Variants in SHLD2 observed in about 807,000 individuals in gnomAD.
SHLD2 encodes the protein RINN1-REV7-interacting novel NHEJ regulator 2.
In SHLD2, 30 loss-of-function variants were observed where a neutral mutation model predicts 73.2. The observed-to-expected ratio is 0.41, with a 90% CI of 0.31 to 0.56. The LOEUF (loss-of-function observed/expected upper bound fraction) is 0.56. Ranked by LOEUF, SHLD2 falls within the 20% of genes least tolerant of loss-of-function variation. SHLD2 has a pLI of 0.28. For missense variants in SHLD2, 745 were observed against 1,055.9 expected (o/e 0.71, Z 4.08); for synonymous variants, 285 against 370.1 (o/e 0.77, Z 2.64).
At chr10:87,126,410 G>T (rs1372002007) in intron 2 of SHLD2, among the ~76,000 whole-genome samples, 3 of 152,056 alleles carry the variant, frequency 2.0e-5, no homozygotes, top group African/African-American at 7.2e-5. Flanking sequence ...CAAGATTATT[G>T]TCTGAATATT....
At chr10:87,094,529 C>A, upstream of SHLD2, 1 of 1,612,788 alleles carries the variant, frequency 6.2e-7, no homozygotes, top group Non-Finnish European at 8.5e-7. This position sits in a 1 kb window ranked among gnomAD's most constrained non-coding sequence, Gnocchi z 6.6. Context: ...TTGTCCTCCA[C>A]GATGCTGGCG....
chr10:87,175,089 C>G (rs1405031511), intron 6 of SHLD2, among the ~76,000 whole-genome samples: 9 of 143,646 alleles, frequency 6.3e-5, no homozygotes, highest in African/African-American at 2.1e-4. Flanking sequence ...TGCGCTCCAG[C>G]CTGGGCAACA....
chr10:87,118,195 G>T (rs1052492003), intron 2 of SHLD2, among the ~76,000 whole-genome samples: 2 of 152,146 alleles, frequency 1.3e-5, no homozygotes, highest in African/African-American at 4.8e-5. Context: ...GGGTTCTCAA[G>T]CCTATAACCA....
chr10:87,165,203 A>G (rs992815504), intron 4 of SHLD2, among the ~76,000 whole-genome samples: 73 of 144,034 alleles, frequency 5.1e-4, no homozygotes, highest in Non-Finnish European at 8.3e-4. Flanking sequence ...AAAAAAAAAA[A>G]TACAAAACAC....
chr10:87,117,881 A>G lies in SHLD2; in HGVS notation c.-6+20892A>G, dbSNP rs543678400. Among the ~76,000 whole-genome samples, 65 of 152,354 alleles carry G rather than the reference A, an allele frequency of 4.3e-4. 1 individual carries two copies. The highest frequency in any genetic ancestry group is 1.3e-3 in the African/African-American group (55 of 41,588). Reference sequence around the variant, plus strand: ...GAAGAGTTTTGTTTGTTTTAAAGACATTAACCAGTTTTCTCGAGGGATATT... The same window carrying G: ...GAAGAGTTTTGTTTGTTTTAAAGACGTTAACCAGTTTTCTCGAGGGATATT... On this transcript the variant is annotated intron_variant, in intron 2 of 9. Transcript: ENST00000298786.
At chr10:87,187,886 T>C (rs1848715806) in intron 9 of SHLD2, among the ~76,000 whole-genome samples, 1 of 152,152 alleles carries the variant, frequency 6.6e-6, no homozygotes, top group African/African-American at 2.4e-5. Flanking sequence ...AGTCTTGTCA[T>C]AAGTTGAGTT....
At chr10:87,117,934 A>G (rs1298167125) in intron 2 of SHLD2, among the ~76,000 whole-genome samples, 3 of 152,238 alleles carry the variant, frequency 2.0e-5, no homozygotes, top group African/African-American at 4.8e-5. Flanking sequence ...CCATCATCCA[A>G]TAAGTTTGAG....
intron 2 of SHLD2, among the ~76,000 whole-genome samples, chr10:87,124,577 T>C (rs939331794): frequency 1.3e-5 from 2 of 152,042 alleles, no homozygotes; most frequent in Non-Finnish European, 2.9e-5. Context: ...CCACGTTAAT[T>C]GTTTTGGGTG....
chr10:87,178,579 G>A (rs1157168020), intron 7 of SHLD2, among the ~76,000 whole-genome samples: 3 of 151,382 alleles, frequency 2.0e-5, no homozygotes, highest in African/African-American at 4.9e-5. Context: ...AGCCAGGTGT[G>A]GTGGTGTGTG....
At chr10:87,097,673 A>G (rs1304295663) in intron 2 of SHLD2, among the ~76,000 whole-genome samples, 2 of 152,148 alleles carry the variant, frequency 1.3e-5, no homozygotes, top group Non-Finnish European at 2.9e-5. Flanking sequence ...TTTTTAATTG[A>G]GAATCTCCTG....
chr10:87,180,379 C>T, intron 8 of SHLD2, 76 bp downstream of exon 8: 1 of 1,544,738 alleles, frequency 6.5e-7, no homozygotes, highest in East Asian at 2.3e-5. Flanking sequence ...TAAACCCTTA[C>T]TTTCTAAAAA....
intron 9 of SHLD2, among the ~76,000 whole-genome samples, chr10:87,187,718 G>A (rs776080645): frequency 6.6e-6 from 1 of 152,142 alleles, no homozygotes; most frequent in African/African-American, 2.4e-5. Context: ...TGTTTTTCGT[G>A]TATTTTTTTA....
At chr10:87,174,764 G>A (rs1193536681) in intron 6 of SHLD2, among the ~76,000 whole-genome samples, 4 of 152,170 alleles carry the variant, frequency 2.6e-5, no homozygotes, top group Non-Finnish European at 4.4e-5. Flanking sequence ...ATACAGATAA[G>A]TTGAATTTAC....
intron 2 of SHLD2, among the ~76,000 whole-genome samples, chr10:87,097,408 A>C (rs1182767665): frequency 6.6e-6 from 1 of 152,054 alleles, no homozygotes; most frequent in African/African-American, 2.4e-5. Flanking sequence ...TAAAAATACA[A>C]AAATAAGCCA....
In SHLD2 at chr10:87,168,606, AT is replaced by A. The variant is rs1424661519; in HGVS notation, c.1634-1871del. Among the ~76,000 whole-genome samples the A allele has an allele frequency of 2.4e-4, 33 of 136,946 alleles. No individual in the cohort carries two copies. The South Asian group carries it at 3.6e-3, about 15-fold the overall frequency. 89.8% of individuals were successfully genotyped at this position (136,946 alleles called of 152,430 possible). ...AGAGTGACACCTTGTCTCAAAAAAA[AT>A]AAATAAATAAATAAATAAATTGCAG... On this transcript the variant is annotated intron_variant, in intron 4 of 9. Transcript: ENST00000298786.
At chr10:87,126,277 G>T (rs910393326) in intron 2 of SHLD2, among the ~76,000 whole-genome samples, 4 of 152,040 alleles carry the variant, frequency 2.6e-5, no homozygotes, top group Admixed American at 1.3e-4. Flanking sequence ...ATGGAATTTT[G>T]CTATGTCACC....
At chr10:87,161,499 G>A (rs1156320085) in intron 4 of SHLD2, among the ~76,000 whole-genome samples, 4 of 151,884 alleles carry the variant, frequency 2.6e-5, no homozygotes, top group Admixed American at 6.6e-5. Context: ...TAAACAGAGG[G>A]CATAATGATA....
In SHLD2 at chr10:87,187,132, G is replaced by C. The variant is rs11816168; in HGVS notation, c.2447G>C (p.Arg816Pro). The change falls in exon 9 of 10, where the codon CGT (arginine) becomes CCT (proline). Residue 816 changes from arginine to proline, a missense_variant. Transcript: ENST00000298786. ...GATGGAAGACATGATGTTTGTATCC[G>C]TGTAGAATCAAAGCTGATAGAGAAG... ...AIDGRHDVCIRVESKLIEKIL... is the reference protein window; with the variant it reads ...AIDGRHDVCIPVESKLIEKIL... 1 of 1,613,524 alleles carries C rather than the reference G, an allele frequency of 6.2e-7. No individual in the cohort carries two copies. The highest frequency in any genetic ancestry group is 2.2e-5 in the East Asian group (1 of 44,838).
intron 2 of SHLD2, among the ~76,000 whole-genome samples, chr10:87,104,323 G>A (rs940756550): frequency 1.3e-5 from 2 of 151,232 alleles, no homozygotes; most frequent in African/African-American, 4.9e-5. Flanking sequence ...CGAGGCGGGT[G>A]GATCACCTGA....
Sources: gnomAD v4.1 joint callset for allele counts (sites outside exome capture counted in the v4.1 genomes callset) on GRCh38, gnomAD v4.1.1 for gene constraint, Gnocchi (gnomAD v3.1) non-coding constraint, MANE v1.5 for transcripts, NCBI Gene and HGNC (gene_info 2026-07-23, HGNC 2026-07-21) for gene names.